The following MYO16 variants were observed in gnomAD, a reference collection of about 807,000 sequenced individuals.
MYO16 encodes the protein unconventional myosin-XVI.
MYO16 carries 94 observed loss-of-function variants against 205.3 expected under a neutral mutation model. The observed-to-expected ratio is 0.46, with a 90% CI of 0.39 to 0.54. The LOEUF (loss-of-function observed/expected upper bound fraction) is 0.54. Among genes scored for constraint, MYO16 ranks in the 20% least tolerant of loss-of-function variants. The pLI is 0.00. For synonymous variants in MYO16, 988 were observed against 954.0 expected, an observed-to-expected ratio of 1.04 and a Z score of -0.66; for missense variants, 2,315 against 2,387.5, an observed-to-expected ratio of 0.97 and a Z score of 0.63.
At position 108,662,279 on chromosome 13, in the gene MYO16, A is replaced by AT. The variant is rs1881536633; in HGVS notation, c.29-3603dup. Among the ~76,000 whole-genome samples, 3 of 152,300 alleles carry AT rather than the reference A, an allele frequency of 2.0e-5. No homozygotes were observed. In the South Asian group the frequency reaches 6.2e-4, roughly 32 times the overall value. On this transcript the variant is annotated intron_variant, in intron 1 of 34. Transcript: ENST00000457511. ...GGTTGGCCTCCTGCCAGGAGGTGGC[A>AT]TTTTCCAGAAAGCATCAGCTGTAGT... is the stretch of plus-strand genomic sequence containing the variant.
chr13:108,651,036 G>A (rs1330664630), intron 1 of MYO16, among the ~76,000 whole-genome samples: 2 of 152,168 alleles, frequency 1.3e-5, no homozygotes, highest in Non-Finnish European at 2.9e-5. Flanking sequence ...AGAGGAAAAG[G>A]AATCTGCCCA....
At chr13:109,176,926 A>G (rs1486230192) in intron 33 of MYO16, among the ~76,000 whole-genome samples, 2 of 152,288 alleles carry the variant, frequency 1.3e-5, no homozygotes, top group East Asian at 3.9e-4. Context: ...TCTTTAGTCA[A>G]CAGTTATGAA....
chr13:109,190,735 T>C (rs982826542), intron 34 of MYO16, among the ~76,000 whole-genome samples: 1 of 152,212 alleles, frequency 6.6e-6, no homozygotes, highest in Admixed American at 6.5e-5. Context: ...TCTAAAATTA[T>C]GTAATTTGAA....
chr13:108,730,784 C>T (rs1008875233), intron 4 of MYO16, among the ~76,000 whole-genome samples: 3 of 152,180 alleles, frequency 2.0e-5, no homozygotes, highest in African/African-American at 7.2e-5. Context: ...GTTGTCCTAA[C>T]TAGGAATACC....
chr13:108,712,008 A>C (rs538707950), intron 2 of MYO16, among the ~76,000 whole-genome samples: 3 of 152,240 alleles, frequency 2.0e-5, no homozygotes, highest in Non-Finnish European at 4.4e-5. Context: ...AACACAATCA[A>C]TCAATCTCTT....
At chr13:108,498,901 C>T in the MYO16 span, among the ~76,000 whole-genome samples, 1 of 152,214 alleles carries the variant, frequency 6.6e-6, no homozygotes, top group Non-Finnish European at 1.5e-5. Context: ...TTGCCAATTT[C>T]CTATGACTGA....
At chr13:108,769,366 A>G (rs1424837115) in intron 4 of MYO16, among the ~76,000 whole-genome samples, 1 of 152,148 alleles carries the variant, frequency 6.6e-6, no homozygotes, top group Non-Finnish European at 1.5e-5. Context: ...TGTGGCCAGA[A>G]TGGAGCACGC....
At chr13:108,811,121 T>C (rs960561237) in intron 7 of MYO16, among the ~76,000 whole-genome samples, 5 of 152,172 alleles carry the variant, frequency 3.3e-5, no homozygotes, top group African/African-American at 1.2e-4. Flanking sequence ...TAAAAAAATA[T>C]TTGTACAAAT....
the MYO16 span, among the ~76,000 whole-genome samples, chr13:108,550,837 C>T: frequency 6.6e-5 from 10 of 152,032 alleles, no homozygotes; most frequent in Admixed American, 1.3e-4. Context: ...TTCATCTTTG[C>T]CAGCAATGGT....
At chr13:108,602,828 A>T (rs1380183792) in intron 1 of MYO16, among the ~76,000 whole-genome samples, 1 of 152,166 alleles carries the variant, frequency 6.6e-6, no homozygotes, top group Non-Finnish European at 1.5e-5. Flanking sequence ...TCTCTTATTG[A>T]CTAAAAAGTT....
chr13:108,676,796 T>G (rs1017838556), intron 2 of MYO16, among the ~76,000 whole-genome samples: 9 of 152,160 alleles, frequency 5.9e-5, no homozygotes, highest in African/African-American at 1.9e-4. Flanking sequence ...GAATGGGAAA[T>G]GTACTTGCTT....
intron 2 of MYO16, among the ~76,000 whole-genome samples, chr13:108,693,323 A>G (rs558991089): frequency 6.6e-6 from 1 of 152,136 alleles, no homozygotes; most frequent in Non-Finnish European, 1.5e-5. Flanking sequence ...CATCACCACT[A>G]TCTGGCCCCA....
chr13:108,587,309 T>G, the MYO16 span, among the ~76,000 whole-genome samples: 1 of 152,206 alleles, frequency 6.6e-6, no homozygotes. Context: ...CTGAGTGGAC[T>G]GCTGGCTTTC....
At chr13:108,651,975 G>A (rs186065745) in intron 1 of MYO16, among the ~76,000 whole-genome samples, 20 of 152,244 alleles carry the variant, frequency 1.3e-4, no homozygotes, top group Admixed American at 2.6e-4. Flanking sequence ...GGCTCTGGGG[G>A]AGTAGGTTGA....
the MYO16 span, among the ~76,000 whole-genome samples, chr13:108,503,995 G>T: frequency 1.3e-5 from 2 of 151,874 alleles, no homozygotes; most frequent in African/African-American, 2.4e-5. Flanking sequence ...CTTGGTGTCA[G>T]TTTTTTTAAA....
At chr13:108,819,711 C>T (rs888470994) in intron 7 of MYO16, among the ~76,000 whole-genome samples, 4 of 152,026 alleles carry the variant, frequency 2.6e-5, no homozygotes, top group Non-Finnish European at 5.9e-5. Flanking sequence ...AGTCACTTAA[C>T]TCTTAGAACT....
chr13:108,528,106 A>G, the MYO16 span, among the ~76,000 whole-genome samples: 1 of 152,250 alleles, frequency 6.6e-6, no homozygotes, highest in Admixed American at 6.5e-5. Context: ...GGAAAATAAG[A>G]TAAATACAGA....
chr13:108,829,640 A>G (rs1876489135), intron 9 of MYO16, among the ~76,000 whole-genome samples: 2 of 152,130 alleles, frequency 1.3e-5, no homozygotes, highest in Admixed American at 6.5e-5. Context: ...AGAAAAGACT[A>G]TGAGGAGGGG....
intron 14 of MYO16, among the ~76,000 whole-genome samples, chr13:108,895,837 A>G (rs1172091166): frequency 1.3e-5 from 2 of 152,222 alleles, no homozygotes; most frequent in African/African-American, 2.4e-5. Context: ...AACATTGTCT[A>G]TTGCTATTCA....
Sources: gnomAD v4.1 joint callset for allele counts (sites outside exome capture counted in the v4.1 genomes callset) on GRCh38, gnomAD v4.1.1 for gene constraint, MANE v1.5 for transcripts, NCBI Gene and HGNC (gene_info 2026-07-23, HGNC 2026-07-21) for gene names.